MAD1L1: variants seen among roughly 807,000 people sequenced by gnomAD.
MAD1L1 encodes mitotic arrest deficient 1 like 1.
MAD1L1 carries 95 observed loss-of-function variants against 96.9 expected under a neutral mutation model. The observed-to-expected ratio is 0.98, with a 90% CI of 0.83 to 1.16. The LOEUF (loss-of-function observed/expected upper bound fraction) is 1.16. Ranked by LOEUF, MAD1L1 falls within the 50% of genes most tolerant of loss-of-function variation. MAD1L1 has a pLI of 0.00. For synonymous variants in MAD1L1, 473 were observed against 396.6 expected, an observed-to-expected ratio of 1.19 and a Z score of -2.29; for missense variants, 1,007 against 954.4, an observed-to-expected ratio of 1.06 and a Z score of -0.73.
chr7:2,003,435 C>T (rs1050784421), intron 13 of MAD1L1, among the ~76,000 whole-genome samples: 14 of 152,098 alleles, frequency 9.2e-5, no homozygotes, highest in Admixed American at 2.6e-4. Flanking sequence ...TCAACCTGTC[C>T]GCTCTGCAGA....
intron 10 of MAD1L1, among the ~76,000 whole-genome samples, chr7:2,182,828 T>C (rs1488235633): frequency 1.3e-5 from 2 of 152,212 alleles, no homozygotes; most frequent in African/African-American, 4.8e-5. Flanking sequence ...TTCGGCCAAC[T>C]GGGCTTCCTT....
At chr7:1,826,649 G>C (rs1321224642) in intron 18 of MAD1L1, among the ~76,000 whole-genome samples, 2 of 152,252 alleles carry the variant, frequency 1.3e-5, no homozygotes, top group Non-Finnish European at 2.9e-5. Context: ...ATGCTGCCGC[G>C]TGAGCACCGC....
intron 14 of MAD1L1, among the ~76,000 whole-genome samples, chr7:1,990,173 C>T (rs991153663): frequency 7.9e-5 from 12 of 152,224 alleles, no homozygotes; most frequent in African/African-American, 2.7e-4. Context: ...AACCTGTGCC[C>T]GGGAGGTGGT....
chr7:1,952,773 C>T (rs1018845079), intron 16 of MAD1L1, among the ~76,000 whole-genome samples: 4 of 152,214 alleles, frequency 2.6e-5, no homozygotes, highest in Non-Finnish European at 5.9e-5. Flanking sequence ...CCAGGCCCAT[C>T]GTCCCGGTCC....
chr7:2,053,591 G>C (rs1429851892), intron 12 of MAD1L1, among the ~76,000 whole-genome samples: 1 of 152,202 alleles, frequency 6.6e-6, no homozygotes, highest in Non-Finnish European at 1.5e-5. Context: ...GGAAGCAGAG[G>C]AGGCTGCAGA....
Position 2,003,651 on chromosome 7 carries a change from C to G in MAD1L1, c.1360-1530G>C, listed in dbSNP as rs111965705. On this transcript the variant is annotated intron_variant, in intron 13 of 18. Transcript: ENST00000265854. ...ACTCAGTGGGGCCACCGGAGGGACCCCCATTGCCCAACACCCCTGTGCAAC... is the reference window on the plus strand; with the variant it reads ...ACTCAGTGGGGCCACCGGAGGGACCGCCATTGCCCAACACCCCTGTGCAAC... 2.7e-3 allele frequency among the ~76,000 whole-genome samples: 404 copies of G among 152,258 alleles called. 2 individuals are homozygous for G. Among genetic ancestry groups the G allele is most frequent in the Non-Finnish European group, 4.7e-3 (321 of 68,004 alleles).
At chr7:1,872,455 G>C (rs1473754364) in intron 18 of MAD1L1, among the ~76,000 whole-genome samples, 1 of 152,232 alleles carries the variant, frequency 6.6e-6, no homozygotes, top group Non-Finnish European at 1.5e-5. Flanking sequence ...CAGGCCCTGA[G>C]CCTCAGGGCA....
At chr7:1,885,993 C>T (rs1052620899) in intron 18 of MAD1L1, among the ~76,000 whole-genome samples, 38 of 152,278 alleles carry the variant, frequency 2.5e-4, no homozygotes, top group African/African-American at 7.5e-4. Context: ...TCTCCTCCAC[C>T]AGGTCCTACT....
At chr7:1,985,810 T>C (rs112721383) in intron 14 of MAD1L1, among the ~76,000 whole-genome samples, 62 of 150,156 alleles carry the variant, frequency 4.1e-4, no homozygotes, top group African/African-American at 1.5e-3. Flanking sequence ...CCCCCTCTCC[T>C]GCTCTGAGAC....
chr7:2,221,703 G>A (rs1039602494), intron 5 of MAD1L1, among the ~76,000 whole-genome samples: 4 of 152,168 alleles, frequency 2.6e-5, no homozygotes, highest in Admixed American at 6.5e-5. Flanking sequence ...GCAATTATCC[G>A]ACGCCATCAG....
intron 18 of MAD1L1, among the ~76,000 whole-genome samples, chr7:1,869,715 G>C (rs145803985): frequency 2.6e-5 from 4 of 152,192 alleles, no homozygotes; most frequent in Non-Finnish European, 5.9e-5. Flanking sequence ...ACACTAGCAC[G>C]GGTTGAGGGG....
At chr7:1,975,179 G>A (rs1780578282) in intron 15 of MAD1L1, among the ~76,000 whole-genome samples, 1 of 152,248 alleles carries the variant, frequency 6.6e-6, no homozygotes, top group Non-Finnish European at 1.5e-5. Flanking sequence ...GCTGCTCGGG[G>A]GAGGGAGAAT....
intron 10 of MAD1L1, among the ~76,000 whole-genome samples, chr7:2,186,620 T>A (rs1033364027): frequency 3.3e-5 from 5 of 152,188 alleles, no homozygotes; most frequent in African/African-American, 7.2e-5. Context: ...ATTTACATTA[T>A]CCTGTACAAT....
chr7:2,178,742 C>G (rs1187963838), intron 10 of MAD1L1, among the ~76,000 whole-genome samples: 1 of 151,876 alleles, frequency 6.6e-6, no homozygotes, highest in African/African-American at 2.4e-5. Flanking sequence ...ACTAAAAATA[C>G]AAAAATTAGC....
In MAD1L1 at chr7:2,001,965, C is replaced by T. The variant is rs1781816822; in HGVS notation, c.1416+100G>A. 4.0e-6 allele frequency: 5 copies of T among 1,239,138 alleles called. No individual in the cohort carries two copies. The East Asian group carries it at 1.2e-4, about 29-fold the overall frequency. The allele number at this position is 1,239,138 out of a possible 1,614,324, so 76.8% of individuals were successfully genotyped here. ...TCCGACGACAGAAGAGGCAGCCATG[C>T]ACTGGCGCCTGCAGCCTAAAGGCTT... On this transcript the variant is annotated intron_variant, in intron 14 of 18. Transcript: ENST00000265854.
chr7:1,858,236 C>T (rs1784354268), intron 18 of MAD1L1, among the ~76,000 whole-genome samples: 2 of 152,246 alleles, frequency 1.3e-5, no homozygotes, highest in Non-Finnish European at 2.9e-5. Context: ...GCAGAGTCCC[C>T]TGCTCGCCAC....
chr7:2,132,209 G>A (rs1395003582), intron 11 of MAD1L1, among the ~76,000 whole-genome samples: 1 of 152,110 alleles, frequency 6.6e-6, no homozygotes, highest in Non-Finnish European at 1.5e-5. Context: ...GAGGAGAAAT[G>A]AGAGTTCTCA....
intron 10 of MAD1L1, among the ~76,000 whole-genome samples, chr7:2,149,738 A>G (rs903792302): frequency 6.6e-6 from 1 of 152,166 alleles, no homozygotes; most frequent in African/African-American, 2.4e-5. Context: ...CACCGTTTCC[A>G]TTTTTTAAAC....
intron 17 of MAD1L1, among the ~76,000 whole-genome samples, chr7:1,926,890 C>A (rs964618839): frequency 1.3e-4 from 20 of 152,150 alleles, no homozygotes; most frequent in Admixed American, 7.9e-4. Flanking sequence ...GGCAACACAG[C>A]AAGAAAACAA....
Sources: gnomAD v4.1 joint callset for allele counts (sites outside exome capture counted in the v4.1 genomes callset) on GRCh38, gnomAD v4.1.1 for gene constraint, MANE v1.5 for transcripts, NCBI Gene and HGNC (gene_info 2026-07-23, HGNC 2026-07-21) for gene names.